The following PTPRT variants were observed in gnomAD, a reference collection of about 807,000 sequenced individuals.
The protein encoded by PTPRT is protein tyrosine phosphatase receptor type T.
A neutral mutation model predicts 176.8 loss-of-function variants in PTPRT; 56 were observed. The observed-to-expected ratio is 0.32, with a 90% confidence interval of 0.26 to 0.40. The LOEUF (loss-of-function observed/expected upper bound fraction) is 0.40, where lower values mean the gene tolerates loss of function less well. Ranked by LOEUF, PTPRT falls within the 10% of genes least tolerant of loss-of-function variation. PTPRT has a pLI of 1.00. For synonymous variants in PTPRT, 783 were observed against 739.0 expected (o/e 1.06, Z -0.96); for missense variants, 1,540 against 1,908.2 (o/e 0.81, Z 3.60).
intron 7 of PTPRT, among the ~76,000 whole-genome samples, chr20:42,668,953 G>A (rs943617789): frequency 1.4e-5 from 2 of 139,704 alleles, no homozygotes; most frequent in Non-Finnish European, 3.0e-5. Context: ...CTCATGATCC[G>A]CCCGCCTCGG....
chr20:42,987,257 A>AG (rs1321669081), intron 1 of PTPRT, among the ~76,000 whole-genome samples: 1 of 152,198 alleles, frequency 6.6e-6, no homozygotes, highest in Non-Finnish European at 1.5e-5. Context: ...ACTGCCCTAG[A>AG]GGGTGCCTAC....
intron 9 of PTPRT, among the ~76,000 whole-genome samples, chr20:42,443,651 G>T (rs1003484172): frequency 1.3e-5 from 2 of 152,104 alleles, no homozygotes; most frequent in East Asian, 1.9e-4. Context: ...AGAATGAGAC[G>T]GTTTCATAGC....
the PTPRT span, among the ~76,000 whole-genome samples, chr20:42,046,642 C>T: frequency 1.3e-5 from 2 of 152,176 alleles, no homozygotes; most frequent in Admixed American, 6.5e-5. Context: ...CTGTTCTTCC[C>T]TCTTTATCTC....
rs545368543 is a variant in PTPRT at position 42,092,142 on chromosome 20, C to A, written c.3846+6279G>T. Among the ~76,000 whole-genome samples, 5 of 152,212 alleles carry A rather than the reference C, an allele frequency of 3.3e-5. No individual in the cohort carries two copies. The East Asian group carries it at 9.7e-4, about 29-fold the overall frequency. On this transcript the variant is annotated intron_variant, in intron 27 of 30. Transcript: ENST00000373187. Reference sequence around the variant, plus strand: ...GTAAATGGGAAGAAAATGGTTTGGGCAACAGGGTCAGGGGAAGATGTGTTA... The same window carrying A: ...GTAAATGGGAAGAAAATGGTTTGGGAAACAGGGTCAGGGGAAGATGTGTTA...
At chr20:42,851,098 C>A (rs997628383) in intron 2 of PTPRT, among the ~76,000 whole-genome samples, 1 of 152,140 alleles carries the variant, frequency 6.6e-6, no homozygotes, top group African/African-American at 2.4e-5. Flanking sequence ...TTTCAAACAT[C>A]CAAGATACTA....
intron 1 of PTPRT, among the ~76,000 whole-genome samples, chr20:43,176,395 A>G (rs977880805): frequency 6.6e-6 from 1 of 152,278 alleles, no homozygotes; most frequent in Non-Finnish European, 1.5e-5. Context: ...GCAAACAGAC[A>G]TCACTTTTTA....
At chr20:42,164,171 T>C (rs1240385800) in intron 16 of PTPRT, among the ~76,000 whole-genome samples, 5 of 152,216 alleles carry the variant, frequency 3.3e-5, no homozygotes, top group Admixed American at 6.5e-5. Context: ...TGGGGACAGT[T>C]GTCTTCAGAG....
intron 3 of PTPRT, among the ~76,000 whole-genome samples, chr20:42,785,548 G>A (rs936112912): frequency 6.6e-6 from 1 of 152,110 alleles, no homozygotes; most frequent in Admixed American, 6.5e-5. Context: ...GAGTCTTGTG[G>A]GTGCTTGTCC....
chr20:42,599,885 T>C (rs1042746609), intron 7 of PTPRT, among the ~76,000 whole-genome samples: 4 of 152,092 alleles, frequency 2.6e-5, no homozygotes, highest in African/African-American at 9.7e-5. Flanking sequence ...ACTCAAATTA[T>C]CTGCAAAATG....
rs1235873791 is a variant in PTPRT, at chr20:42,761,104, C to T, written c.685-4468G>A. On this transcript the variant is annotated intron_variant, in intron 5 of 30. Transcript: ENST00000373187. ...TGGTTCTCGAACCATGGTCCCCAGA[C>T]AGGCTGCACTAACATCCCCTGGGAA... 2.0e-5 allele frequency among the ~76,000 whole-genome samples: 3 copies of T among 152,160 alleles called. No homozygotes were observed. In the East Asian group the frequency reaches 5.8e-4, roughly 29 times the overall value.
intron 2 of PTPRT, among the ~76,000 whole-genome samples, chr20:42,841,202 C>T (rs958030931): frequency 1.2e-4 from 18 of 152,178 alleles, no homozygotes; most frequent in Admixed American, 4.6e-4. Context: ...TCCGACATTC[C>T]ACTCACCAGG....
intron 7 of PTPRT, among the ~76,000 whole-genome samples, chr20:42,600,896 G>T (rs1385536433): frequency 1.3e-5 from 2 of 152,118 alleles, no homozygotes; most frequent in African/African-American, 4.8e-5. Flanking sequence ...TTGCTATTGT[G>T]AATAATACCA....
intron 1 of PTPRT, among the ~76,000 whole-genome samples, chr20:43,052,729 A>T (rs966060252): frequency 1.3e-5 from 2 of 152,232 alleles, no homozygotes; most frequent in African/African-American, 4.8e-5. Context: ...CCATTGCCAC[A>T]GCCAATTATA....
intron 1 of PTPRT, among the ~76,000 whole-genome samples, chr20:42,983,777 T>G (rs1983409148): frequency 6.6e-6 from 1 of 152,236 alleles, no homozygotes; most frequent in Non-Finnish European, 1.5e-5. Context: ...TCTTTCCAGT[T>G]TCCTGCCTTA....
At position 42,448,276 on chromosome 20, in the gene PTPRT, T is replaced by C; in HGVS notation, c.1504A>G (p.Ile502Val). ...SIQGGPFEEK[I>V]YIQWKPPNET... is the part of the protein sequence containing the mutation. ...TTGGGAGGTTTCCACTGGATGTAGA[T>C]CTTCTCCTCAAAGGGCCCCCCTTGG... Residue 502 changes from isoleucine to valine, a missense_variant, in exon 9 of 31, where the codon ATC (isoleucine) becomes GTC (valine). Coordinates refer to ENST00000373187, the MANE Select transcript of PTPRT (RefSeq NM_007050.6). 6.2e-7 allele frequency: 1 copy of C among 1,613,646 alleles called. No individual in the cohort carries two copies. Among genetic ancestry groups the C allele is most frequent in the Non-Finnish European group, 8.5e-7 (1 of 1,179,636 alleles).
intron 1 of PTPRT, among the ~76,000 whole-genome samples, chr20:43,085,155 C>T (rs1471357967): frequency 6.6e-6 from 1 of 152,170 alleles, no homozygotes; most frequent in African/African-American, 2.4e-5. Context: ...TGCAGAGCTT[C>T]CAGGGCCCTT....
intron 15 of PTPRT, among the ~76,000 whole-genome samples, chr20:42,214,786 C>G (rs2055729632): frequency 6.6e-6 from 1 of 152,244 alleles, no homozygotes; most frequent in Non-Finnish European, 1.5e-5. Context: ...AGGTGAGGCC[C>G]TCCTCCCTCT....
At chr20:42,967,664 AC>A (rs2146054239) in intron 1 of PTPRT, among the ~76,000 whole-genome samples, 1 of 152,228 alleles carries the variant, frequency 6.6e-6, no homozygotes, top group East Asian at 1.9e-4. Flanking sequence ...GAAAACAGTG[AC>A]CAACCCCATT....
intron 2 of PTPRT, among the ~76,000 whole-genome samples, chr20:42,826,967 A>AT (rs2078004675): frequency 6.6e-6 from 1 of 152,356 alleles, no homozygotes; most frequent in Non-Finnish European, 1.5e-5. Flanking sequence ...AAGGAAGGCC[A>AT]TTACATAATT....
Sources: allele counts gnomAD v4.1 joint callset (sites outside exome capture counted in the v4.1 genomes callset), GRCh38; gene constraint gnomAD v4.1.1; transcripts MANE v1.5; gene names NCBI Gene and HGNC (gene_info 2026-07-23, HGNC 2026-07-21).